The following COL24A1 variants were observed in gnomAD, a reference collection of about 807,000 sequenced individuals.
COL24A1 encodes the protein collagen alpha-1(XXIV) chain.
In COL24A1, 224 loss-of-function variants were observed where a neutral mutation model predicts 253.9. That is an observed-to-expected ratio of 0.88 (90% CI 0.79 to 0.99). The LOEUF is 0.99. Ranked by LOEUF, COL24A1 falls within the 50% of genes least tolerant of loss-of-function variation. The probability of loss-of-function intolerance (pLI) is 0.00; values close to 1 mark genes in which losing one functional copy is unlikely to be tolerated. For synonymous variants in COL24A1, 685 were observed against 673.7 expected, an observed-to-expected ratio of 1.02 and a Z score of -0.26; for missense variants, 2,131 against 2,068.5, an observed-to-expected ratio of 1.03 and a Z score of -0.59.
At chr1:85,778,387 A>G (rs976058965) in intron 52 of COL24A1, among the ~76,000 whole-genome samples, 2 of 151,748 alleles carry the variant, frequency 1.3e-5, no homozygotes, top group African/African-American at 4.8e-5. Flanking sequence ...ACAGCCGTGA[A>G]CTACTGTTCC....
chr1:85,951,042 G>A (rs605060), intron 24 of COL24A1, among the ~76,000 whole-genome samples: 67,492 of 151,934 alleles, frequency 0.44, 16,028 homozygotes, highest in East Asian at 0.75. Flanking sequence ...TCCTTATTCC[G>A]ACTGCTTCAC....
At chr1:85,968,674 T>A (rs1439895764) in intron 22 of COL24A1, among the ~76,000 whole-genome samples, 1 of 151,706 alleles carries the variant, frequency 6.6e-6, no homozygotes, top group African/African-American at 2.4e-5. Context: ...TATTTTTATT[T>A]CCACTGGTTG....
chr1:85,984,988 C>T (rs1693592178), intron 20 of COL24A1, among the ~76,000 whole-genome samples: 2 of 151,816 alleles, frequency 1.3e-5, no homozygotes, highest in Non-Finnish European at 3.0e-5. Flanking sequence ...ATCCATTCAA[C>T]CACTATTCAC....
chr1:85,798,379 G>A (rs750576541), intron 47 of COL24A1, among the ~76,000 whole-genome samples: 12 of 152,122 alleles, frequency 7.9e-5, no homozygotes, highest in East Asian at 5.8e-4. Context: ...AAGCGGCGGG[G>A]TTGGGGGTCG....
chr1:86,022,471 T>C (rs541102258), intron 17 of COL24A1, 67 bp downstream of exon 17: 2 of 1,408,046 alleles, frequency 1.4e-6, no homozygotes, highest in Admixed American at 3.7e-5. Flanking sequence ...GATAAAATAA[T>C]AAGCAGTTCT....
At chr1:86,098,380 G>GA (rs1355465299) in intron 5 of COL24A1, among the ~76,000 whole-genome samples, 2 of 145,600 alleles carry the variant, frequency 1.4e-5, no homozygotes, top group African/African-American at 5.1e-5. Flanking sequence ...AGGAAGAAAA[G>GA]AAAGGAGCTT....
At chr1:85,860,836 C>A (rs960149656) in intron 37 of COL24A1, among the ~76,000 whole-genome samples, 5 of 152,224 alleles carry the variant, frequency 3.3e-5, no homozygotes, top group Non-Finnish European at 5.9e-5. Context: ...TTAATCCATG[C>A]TGCACCATGT....
At chr1:86,140,715 T>A (rs1469912367) in intron 2 of COL24A1, among the ~76,000 whole-genome samples, 1 of 152,220 alleles carries the variant, frequency 6.6e-6, no homozygotes, top group African/African-American at 2.4e-5. Flanking sequence ...GTGTTGTAGC[T>A]ATGCCAACAT....
intron 47 of COL24A1, among the ~76,000 whole-genome samples, chr1:85,804,794 A>G (rs1221127532): frequency 6.6e-6 from 1 of 152,170 alleles, no homozygotes; most frequent in Non-Finnish European, 1.5e-5. Flanking sequence ...TTTGGGTGGG[A>G]ACACAGAGCC....
intron 24 of COL24A1, among the ~76,000 whole-genome samples, chr1:85,944,109 G>A (rs1430586831): frequency 6.6e-6 from 1 of 152,148 alleles, no homozygotes; most frequent in Admixed American, 6.5e-5. Context: ...AAGATTATAT[G>A]GCTATGTGCA....
At chr1:86,058,497 C>T (rs1700825391) in intron 9 of COL24A1, among the ~76,000 whole-genome samples, 1 of 150,418 alleles carries the variant, frequency 6.6e-6, no homozygotes, top group South Asian at 2.1e-4. Flanking sequence ...TTCTTATTTC[C>T]CTCATTCTTG....
intron 23 of COL24A1, among the ~76,000 whole-genome samples, chr1:85,963,642 C>T (rs994758151): frequency 5.3e-5 from 8 of 151,972 alleles, no homozygotes; most frequent in African/African-American, 9.7e-5. Flanking sequence ...GTGCCAGGTC[C>T]GAGTTAATAG....
intron 32 of COL24A1, among the ~76,000 whole-genome samples, chr1:85,880,847 A>G (rs902604194): frequency 1.3e-5 from 2 of 152,156 alleles, no homozygotes; most frequent in South Asian, 2.1e-4. Context: ...CTACTGTTAA[A>G]CCAGCCTTGT....
intron 25 of COL24A1, 129 bp from the exon 26 acceptor site, chr1:85,910,132 T>C (rs1685225585): frequency 1.8e-6 from 1 of 551,098 alleles, no homozygotes; most frequent in Non-Finnish European, 3.0e-6. Context: ...TTATTTCCAA[T>C]AATTTTTAAA....
intron 3 of COL24A1, among the ~76,000 whole-genome samples, chr1:86,119,105 G>C (rs1489252463): frequency 6.6e-6 from 1 of 152,024 alleles, no homozygotes; most frequent in Non-Finnish European, 1.5e-5. Context: ...GTCAGAGTGA[G>C]AACATTTTGC....
intron 24 of COL24A1, among the ~76,000 whole-genome samples, chr1:85,927,351 C>G (rs1414783689): frequency 6.6e-6 from 1 of 151,784 alleles, no homozygotes; most frequent in Non-Finnish European, 1.5e-5. Context: ...GTCACTCCCA[C>G]CCGAATATTG....
At chr1:85,836,204 C>T (rs540744254) in intron 43 of COL24A1, among the ~76,000 whole-genome samples, 2 of 152,232 alleles carry the variant, frequency 1.3e-5, no homozygotes, top group Non-Finnish European at 2.9e-5. Context: ...TCCCGTGTTA[C>T]GTATAATTTA....
intron 5 of COL24A1, among the ~76,000 whole-genome samples, chr1:86,095,000 A>G (rs72943805): frequency 0.013 from 2,000 of 152,094 alleles, 46 homozygotes; most frequent in African/African-American, 0.046. Context: ...GTTTTAATAT[A>G]TTTTAATCTT....
At chr1:85,782,996 T>C (rs1182674813) in intron 51 of COL24A1, among the ~76,000 whole-genome samples, 1 of 152,212 alleles carries the variant, frequency 6.6e-6, no homozygotes, top group Admixed American at 6.6e-5. Context: ...TCATTGCTAA[T>C]TGGAGTTCTT....
Sources: allele counts gnomAD v4.1 joint callset (sites outside exome capture counted in the v4.1 genomes callset), GRCh38; gene constraint gnomAD v4.1.1; transcripts MANE v1.5; gene names NCBI Gene and HGNC (gene_info 2026-07-23, HGNC 2026-07-21).